BARX1: variants seen among roughly 807,000 people sequenced by gnomAD.
BARX1 encodes homeobox protein BarH-like 1.
In BARX1, 10 loss-of-function variants were observed where a neutral mutation model predicts 19.6. The observed-to-expected ratio is 0.51, with a 90% CI of 0.31 to 0.86. BARX1 has a LOEUF of 0.86. BARX1 is among the 40% of genes least tolerant of loss of function. The pLI is 0.04. For synonymous variants in BARX1, 177 were observed against 170.0 expected, an observed-to-expected ratio of 1.04 and a Z score of -0.32; for missense variants, 309 against 360.4, an observed-to-expected ratio of 0.86 and a Z score of 1.15.
In BARX1 at chr9:93,952,241, C is replaced by T. The variant is rs560651229; in HGVS notation, c.688G>A (p.Glu230Lys). The T allele has an allele frequency of 1.9e-6, 3 of 1,612,478 alleles. No homozygotes were observed. Among genetic ancestry groups the T allele is most frequent in the African/African-American group, 1.3e-5 (1 of 75,066 alleles). The change falls in exon 4 of 4, where the codon GAG (glutamate) becomes AAG (lysine). Residue 230 changes from glutamate to lysine, a missense_variant. By Grantham distance (56) the Glu-to-Lys change is moderately conservative (BLOSUM62 1). Coordinates refer to ENST00000253968, the MANE Select transcript of BARX1 (RefSeq NM_021570.4). ...TCTGCATCCTTGGCGCGCTCCTGCT[C>T]AGTAAGCTGCTCGCTCGTTGGAATT... is the stretch of plus-strand genomic sequence containing the variant. ...NSIPTSEQLT[E>K]QERAKDAEKP...
intron 1 of BARX1, chr9:93,953,390 CT>C (rs1230527803): frequency 3.4e-6 from 2 of 581,642 alleles, no homozygotes; most frequent in African/African-American, 4.0e-5. Context: ...GAGGGAGTAT[CT>C]CCTCGACCCT....
intron 3 of BARX1, 93 bp downstream of exon 3, chr9:93,952,634 CAG>C: frequency 7.3e-7 from 1 of 1,375,192 alleles, no homozygotes; most frequent in Middle Eastern, 1.8e-4. Flanking sequence ...GGGGGTTGGG[CAG>C]AGTCTCAGTG....
intron 1 of BARX1, chr9:93,953,474 T>G: frequency 2.3e-6 from 1 of 437,356 alleles, no homozygotes; most frequent in Middle Eastern, 5.7e-4. Context: ...TGAACATGTT[T>G]GCAGCTGCGA....
chr9:93,952,679 G>T, intron 3 of BARX1, 50 bp downstream of exon 3: 1 of 1,560,644 alleles, frequency 6.4e-7, no homozygotes, highest in South Asian at 1.1e-5. Flanking sequence ...TGCATGCACC[G>T]GGGCATGGCC....
chr9:93,955,005 C>T lies in BARX1; in HGVS notation c.142G>A (p.Ala48Thr), dbSNP rs191789925. The change falls in exon 1 of 4, where the codon GCC becomes ACC. Residue 48 changes from alanine (A) to threonine (T), a missense_variant. Physicochemically the swap from Ala to Thr is moderately conservative, Grantham distance 58. Coordinates refer to ENST00000253968, the MANE Select transcript of BARX1 (RefSeq NM_021570.4). The surrounding 1 kb of genome is among the most constrained non-coding windows in gnomAD (Gnocchi z 4.4). The stretch of plus-strand genomic sequence containing the variant: ...AGCTCGCCCGCCGCGGCAGCGGCGG[C>T]TGCGGGCGCGGCGCCCTTGGGCCCG... ...PPGPKGAAPA[A>T]AAAAAGELLK... is the part of the protein sequence containing the mutation. The T allele has an allele frequency of 0.11, 159,282 of 1,397,212 alleles. 9,731 individuals carry two copies. The highest frequency in any genetic ancestry group is 0.14 in the Admixed American group (4,955 of 34,980). The allele number at this position is 1,397,212 out of a possible 1,614,324, so 86.6% of individuals were successfully genotyped here.
chr9:93,954,132 C>A (rs1829134423), intron 1 of BARX1, among the ~76,000 whole-genome samples: 1 of 152,146 alleles, frequency 6.6e-6, no homozygotes, highest in African/African-American at 2.4e-5. Flanking sequence ...CAGGCCGACC[C>A]CAATGAGAGA....
At position 93,952,278 on chromosome 9, in the gene BARX1, G is replaced by A. The variant is rs1223535018; in HGVS notation, c.651C>T (p.Pro217=). The A allele has an allele frequency of 1.2e-6, 2 of 1,612,078 alleles. No individual in the cohort carries two copies. The highest frequency in any genetic ancestry group is 1.7e-6 in the Non-Finnish European group (2 of 1,179,928). Residue 217 remains proline (P), a synonymous_variant, in exon 4 of 4, where the codon CCC becomes CCT. Coordinates refer to ENST00000253968, the MANE Select transcript of BARX1 (RefSeq NM_021570.4). ...LESPTKPKGR[P]KKNSIPTSEQ... is the part of the protein sequence containing the mutation. ...CGCTCGTTGGAATTGAGTTCTTCTTGGGCCGCCCCTTGGGCTTGGTGGGAG... is the reference window on the plus strand; with the variant it reads ...CGCTCGTTGGAATTGAGTTCTTCTTAGGCCGCCCCTTGGGCTTGGTGGGAG...
Position 93,955,115 on chromosome 9 carries a change from C to A in BARX1, c.32G>T (p.Arg11Leu). The change falls in exon 1 of 4, where the codon CGC (arginine) becomes CTC (leucine). Residue 11 changes from arginine (R) to leucine (L), a missense_variant. Physicochemically the swap from Arg to Leu is moderately radical, Grantham distance 102 (BLOSUM62 -2). Around this residue, in one of 3 missense-constraint regions of BARX1, gnomAD observed 204 missense variants for 206.8 expected, o/e 0.99. Coordinates refer to ENST00000253968, the MANE Select transcript of BARX1 (RefSeq NM_021570.4). This position sits in a 1 kb window ranked among gnomAD's most constrained non-coding sequence, Gnocchi z 4.4. MQRPGEPGAA[R>L]FGPPEGCADH... The stretch of plus-strand genomic sequence containing the variant: ...CGCGCAGCCCTCGGGCGGGCCGAAG[C>A]GCGCGGCGCCCGGCTCCCCCGGCCG... The A allele has an allele frequency of 8.1e-7, 1 of 1,237,784 alleles. No individual in the cohort carries two copies. The highest frequency in any genetic ancestry group is 1.0e-6 in the Non-Finnish European group (1 of 992,076). 76.7% of individuals were successfully genotyped at this position (1,237,784 alleles called of 1,614,324 possible). A position where few individuals can be genotyped will look rare whatever the true frequency, so the allele number is the denominator to read the frequency against.
intron 3 of BARX1, 35 bp downstream of exon 3, chr9:93,952,694 A>AT (rs751468659): frequency 6.3e-7 from 1 of 1,598,588 alleles, no homozygotes; most frequent in Non-Finnish European, 8.6e-7. Context: ...ATGGCCCAGG[A>AT]AGCTGAGGGG....
chr9:93,952,716 C>A lies in BARX1; in HGVS notation c.600+13G>T. On this transcript the variant is annotated intron_variant, in intron 3 of 3. Coordinates refer to ENST00000253968, the MANE Select transcript of BARX1 (RefSeq NM_021570.4). Reference sequence around the variant, plus strand: ...AGGAAGCTGAGGGGTGGGAAGCCACCAGGCACACTCACTATTTTCTTCCAC... The same window carrying A: ...AGGAAGCTGAGGGGTGGGAAGCCACAAGGCACACTCACTATTTTCTTCCAC... The A allele has an allele frequency of 4.3e-6, 7 of 1,613,586 alleles. No individual in the cohort carries two copies. Among genetic ancestry groups the A allele is most frequent in the Non-Finnish European group, 5.9e-6 (7 of 1,179,530 alleles).
Position 93,952,927 on chromosome 9 carries a change from C to T in BARX1, c.484G>A (p.Glu162Lys). The change falls in exon 2 of 4, where the codon GAG (glutamate) becomes AAG (lysine). Residue 162 changes from glutamate to lysine, a missense_variant. Physicochemically the swap from Glu to Lys is moderately conservative, Grantham distance 56. Around this residue, in one of 3 missense-constraint regions of BARX1, gnomAD observed 34 missense variants for 73.2 expected, o/e 0.46. Transcript: ENST00000253968. The part of the protein sequence containing the change: ...LQLMGLEKRF[E>K]KQKYLSTPDR... ...GGCGTGGAAAGGTACTTCTGCTTCT[C>T]GAAGCGTTTCTCCAGGCCCATCAGC... 1 of 1,581,916 alleles carries T rather than the reference C, an allele frequency of 6.3e-7. No homozygotes were observed. Among genetic ancestry groups the T allele is most frequent in the South Asian group, 1.1e-5 (1 of 87,372 alleles).
At chr9:93,952,514 A>G (rs1316828288) in intron 3 of BARX1, among the ~76,000 whole-genome samples, 186 bp from the exon 4 acceptor site, 4 of 152,224 alleles carry the variant, frequency 2.6e-5, no homozygotes, top group Admixed American at 1.3e-4. Context: ...GGGGAGCATA[A>G]GACTGCCAGG....
chr9:93,951,954 G>C lies in BARX1; in HGVS notation c.*210C>G, dbSNP rs952700066. 2 of 654,590 alleles carry C rather than the reference G, an allele frequency of 3.1e-6. No individual in the cohort carries two copies. Among genetic ancestry groups the C allele is most frequent in the African/African-American group, 1.8e-5 (1 of 54,764 alleles). The allele number at this position is 654,590 out of a possible 1,614,324, so 40.5% of individuals were successfully genotyped here. ...CGCCGGGCTGGATGCGAGTCTCCCA[G>C]GTTAGAGCCCAGAAGCGCGCTGGGA... On this transcript the variant is annotated 3_prime_UTR_variant, in exon 4 of 4. Coordinates refer to ENST00000253968, the MANE Select transcript of BARX1 (RefSeq NM_021570.4).
chr9:93,953,012 C>CCCA lies in BARX1; in HGVS notation c.396_398dup (p.Gly133dup). Reference sequence around the variant, plus strand: ...CCTTCTTGGCTTTGGTGCCTGGCTCCCCAGGGCCTGCCGCCTCCAGCTTCC... The same window carrying CCCA: ...CCTTCTTGGCTTTGGTGCCTGGCTCCCCACCAGGGCCTGCCGCCTCCAGCTTCC... On this transcript the variant is annotated inframe_insertion, in exon 2 of 4. Transcript: ENST00000253968. The CCCA allele has an allele frequency of 6.4e-7, 1 of 1,574,036 alleles. No homozygotes were observed.
rs1829107673 is a variant in BARX1 at position 93,952,067 on chromosome 9, A to G, written c.*97T>C. 1.4e-6 allele frequency: 2 copies of G among 1,446,050 alleles called. No individual in the cohort carries two copies. The highest frequency in any genetic ancestry group is 1.8e-6 in the Non-Finnish European group (2 of 1,081,094). The allele number at this position is 1,446,050 out of a possible 1,614,324, so 89.6% of individuals were successfully genotyped here. A position where few individuals can be genotyped will look rare whatever the true frequency, so the allele number is the denominator to read the frequency against. ...TCATAATAAAAAGGCTTAGGAAGTAAACTTCTTGGACGCGGAAGGGCCGGC... is the reference window on the plus strand; with the variant it reads ...TCATAATAAAAAGGCTTAGGAAGTAGACTTCTTGGACGCGGAAGGGCCGGC... On this transcript the variant is annotated 3_prime_UTR_variant, in exon 4 of 4. Transcript: ENST00000253968.
In BARX1 at chr9:93,952,741, C is replaced by T; in HGVS notation, c.588G>A (p.Lys196=). 2 of 1,614,198 alleles carry T rather than the reference C, an allele frequency of 1.2e-6. No homozygotes were observed. The highest frequency in any genetic ancestry group is 1.7e-6 in the Non-Finnish European group (2 of 1,180,024). Residue 196 remains lysine, a synonymous_variant, in exon 3 of 4, where the codon AAG becomes AAA. Transcript: ENST00000253968. ...VKTWYQNRRM[K]WKKIVLQGGG... ...CAGGCACACTCACTATTTTCTTCCA[C>T]TTCATCCTCCGATTCTGGTACCACG...
rs1331406485 is a variant in BARX1 at position 93,952,983 on chromosome 9, C to T, written c.428G>A (p.Arg143His). 19 of 1,571,844 alleles carry T rather than the reference C, an allele frequency of 1.2e-5. No homozygotes were observed. The highest frequency in any genetic ancestry group is 1.2e-5 in the Non-Finnish European group (14 of 1,158,968). The change falls in exon 2 of 4, where the codon CGT becomes CAT. Residue 143 changes from arginine to histidine, a missense_variant. Arg to His is a conservative substitution (Grantham distance 29). This residue lies in a region of BARX1 where 34 missense variants were observed against 73.2 expected (regional missense o/e 0.46). Coordinates refer to ENST00000253968, the MANE Select transcript of BARX1 (RefSeq NM_021570.4). ...CTCGGTGAACACAGTGCGGCTCCGACGCCCCTTCTTGGCTTTGGTGCCTGG... is the reference window on the plus strand; with the variant it reads ...CTCGGTGAACACAGTGCGGCTCCGATGCCCCTTCTTGGCTTTGGTGCCTGG... The part of the protein sequence containing the change: ...GEPGTKAKKG[R>H]RSRTVFTELQ...
rs1563989608 is a variant in BARX1, at chr9:93,952,727, A to G, written c.600+2T>C. 2 of 1,613,874 alleles carry G rather than the reference A, an allele frequency of 1.2e-6. No individual in the cohort carries two copies. Among genetic ancestry groups the G allele is most frequent in the South Asian group, 1.1e-5 (1 of 91,086 alleles). ...GGGTGGGAAGCCACCAGGCACACTC[A>G]CTATTTTCTTCCACTTCATCCTCCG... is the stretch of plus-strand genomic sequence containing the variant. On this transcript the variant is annotated splice_donor_variant, in intron 3 of 3. Transcript: ENST00000253968. LOFTEE classifies it high-confidence loss of function.
Position 93,955,057 on chromosome 9 carries a change from C to A in BARX1, c.90G>T (p.Met30Ile). The A allele has an allele frequency of 7.2e-7, 1 of 1,392,798 alleles. No individual in the cohort carries two copies. The highest frequency in any genetic ancestry group is 9.4e-7 in the Non-Finnish European group (1 of 1,069,134). The allele number at this position is 1,392,798 out of a possible 1,614,324, so 86.3% of individuals were successfully genotyped here. A position where few individuals can be genotyped will look rare whatever the true frequency, so the allele number is the denominator to read the frequency against. ...GTGGCTCCGTGAGGATCTCCTCAATCATGAAGCTGCGATAGCGGTGCGGCC... is the reference window on the plus strand; with the variant it reads ...GTGGCTCCGTGAGGATCTCCTCAATAATGAAGCTGCGATAGCGGTGCGGCC... ...DHRPHRYRSF[M>I]IEEILTEPPG... Residue 30 changes from methionine (M) to isoleucine (I), a missense_variant, in exon 1 of 4, where the codon ATG becomes ATT. This residue lies in a region of BARX1 where 204 missense variants were observed against 206.8 expected (regional missense o/e 0.99). Transcript: ENST00000253968. The surrounding 1 kb of genome is among the most constrained non-coding windows in gnomAD (Gnocchi z 4.4).
Sources: allele counts gnomAD v4.1 joint callset (sites outside exome capture counted in the v4.1 genomes callset), GRCh38; gene constraint gnomAD v4.1.1; regional missense constraint gnomAD v4.1.1; non-coding constraint Gnocchi (gnomAD v3.1); transcripts MANE v1.5; gene names NCBI Gene and HGNC (gene_info 2026-07-23, HGNC 2026-07-21).